ALDH1A2: variants seen among roughly 807,000 people sequenced by gnomAD.
ALDH1A2 encodes the protein aldehyde dehydrogenase 1 family member A2.
ALDH1A2 carries 27 observed loss-of-function variants against 60.3 expected under a neutral mutation model. That is an observed-to-expected ratio of 0.45 (90% CI 0.33 to 0.62). The LOEUF is 0.62. Ranked by LOEUF, ALDH1A2 falls within the 20% of genes least tolerant of loss-of-function variation. ALDH1A2 has a pLI of 0.02. For synonymous variants in ALDH1A2, 289 were observed against 232.4 expected (o/e 1.24, Z -2.21); for missense variants, 581 against 643.8 (o/e 0.90, Z 1.06).
At chr15:57,968,496 C>A (rs1253484177) in intron 7 of ALDH1A2, among the ~76,000 whole-genome samples, 1 of 152,210 alleles carries the variant, frequency 6.6e-6, no homozygotes, top group African/African-American at 2.4e-5. Flanking sequence ...TTTCTGTTCT[C>A]TTTTCTACAT....
chr15:57,975,973 T>G (rs910959226), intron 7 of ALDH1A2, among the ~76,000 whole-genome samples: 1 of 152,146 alleles, frequency 6.6e-6, no homozygotes, highest in Non-Finnish European at 1.5e-5. Context: ...TTTAAATAAG[T>G]GAAATCTATT....
rs142221243 is a variant in ALDH1A2, at chr15:57,978,391, A to C, written c.799-12564T>G. Reference sequence around the variant, plus strand: ...ATACCTAGTTTATTGGATTTTTAGCATGAAGGGGTATTGAATTTTATTGAA... The same window carrying C: ...ATACCTAGTTTATTGGATTTTTAGCCTGAAGGGGTATTGAATTTTATTGAA... On this transcript the variant is annotated intron_variant, in intron 7 of 12. Coordinates refer to ENST00000249750, the MANE Select transcript of ALDH1A2 (RefSeq NM_003888.4). Among the ~76,000 whole-genome samples the C allele has an allele frequency of 1.7e-3, 259 of 152,284 alleles. 2 individuals are homozygous for C. Among genetic ancestry groups the C allele is most frequent in the African/African-American group, 6.2e-3 (258 of 41,540 alleles).
intron 4 of ALDH1A2, 92 bp from the exon 5 acceptor site, chr15:57,995,231 A>AAAAAAAAAAAAAG: frequency 1.3e-6 from 1 of 755,100 alleles, no homozygotes; most frequent in Admixed American, 2.4e-5. Flanking sequence ...AAAAAAAAAA[A>AAAAAAAAAAAAAG]AAAAACAAAC....
At chr15:57,993,195 T>C (rs1354453954) in intron 5 of ALDH1A2, 122 bp from the exon 6 acceptor site, 3 of 1,184,728 alleles carry the variant, frequency 2.5e-6, no homozygotes, top group Non-Finnish European at 3.6e-6. Context: ...CACTACAAAG[T>C]ACAGATGTTT....
chr15:58,012,683 C>G (rs1345081819), intron 3 of ALDH1A2, among the ~76,000 whole-genome samples: 1 of 152,132 alleles, frequency 6.6e-6, no homozygotes, highest in Non-Finnish European at 1.5e-5. Context: ...TTATATATAG[C>G]TAGAATCCCA....
rs1566929678 is a variant in ALDH1A2 at position 57,963,864 on chromosome 15, GA to G, written c.1086+20del. 6.2e-7 allele frequency: 1 copy of G among 1,613,642 alleles called. No individual in the cohort carries two copies. The highest frequency in any genetic ancestry group is 1.7e-5 in the Admixed American group (1 of 60,024). On this transcript the variant is annotated intron_variant, in intron 9 of 12. Coordinates refer to ENST00000249750, the MANE Select transcript of ALDH1A2 (RefSeq NM_003888.4). Reference sequence around the variant, plus strand: ...CAGTCAAGGATTAAGTAAACAAAGGGAATGGTTATGATTTTTCTACCTGGGG... The same window carrying G: ...CAGTCAAGGATTAAGTAAACAAAGGGATGGTTATGATTTTTCTACCTGGGG...
At chr15:58,035,147 T>TA (rs1466761561) in intron 1 of ALDH1A2, among the ~76,000 whole-genome samples, 3 of 151,644 alleles carry the variant, frequency 2.0e-5, no homozygotes, top group Non-Finnish European at 4.4e-5. Context: ...GATACAGGCC[T>TA]ATTCATACAT....
chr15:58,053,135 A>G (rs2140573365), intron 1 of ALDH1A2, among the ~76,000 whole-genome samples: 1 of 152,288 alleles, frequency 6.6e-6, no homozygotes, highest in African/African-American at 2.4e-5. Context: ...CAAATTAAAC[A>G]GTAATTGGAT....
At chr15:58,064,506 C>A (rs1234790115) in intron 1 of ALDH1A2, among the ~76,000 whole-genome samples, 1 of 152,160 alleles carries the variant, frequency 6.6e-6, no homozygotes, top group East Asian at 1.9e-4. Flanking sequence ...TAAAAAAGCA[C>A]GATGGAATAC....
chr15:58,063,295 T>C (rs1160207208), intron 1 of ALDH1A2, among the ~76,000 whole-genome samples: 1 of 152,202 alleles, frequency 6.6e-6, no homozygotes, highest in Non-Finnish European at 1.5e-5. Flanking sequence ...TTCTTTCAAA[T>C]GTGATATTTA....
chr15:58,028,693 G>A (rs1328258679), intron 1 of ALDH1A2, among the ~76,000 whole-genome samples: 1 of 152,042 alleles, frequency 6.6e-6, no homozygotes, highest in East Asian at 1.9e-4. Context: ...CAAAATAAAG[G>A]GATGGAGGAA....
chr15:57,964,691 G>A (rs534291189), intron 8 of ALDH1A2: 1 of 153,030 alleles, frequency 6.5e-6, no homozygotes, highest in South Asian at 2.1e-4. Flanking sequence ...AGATTGACAT[G>A]GACTTGTGTA....
In ALDH1A2 at chr15:57,961,327, C is replaced by T. The variant is rs767935263; in HGVS notation, c.1252-33G>A. On this transcript the variant is annotated intron_variant, in intron 10 of 12. Transcript: ENST00000249750. Reference sequence around the variant, plus strand: ...AAGATAATATGACTCAACATGGTTGCTCTGTCATTCCTTTACCTGCTTTCC... The same window carrying T: ...AAGATAATATGACTCAACATGGTTGTTCTGTCATTCCTTTACCTGCTTTCC... 1.5e-5 allele frequency: 24 copies of T among 1,609,762 alleles called. No homozygotes were observed. In the Admixed American group the frequency reaches 2.3e-4, roughly 16 times the overall value.
intron 7 of ALDH1A2, among the ~76,000 whole-genome samples, chr15:57,984,349 A>C (rs1333259769): frequency 6.6e-6 from 1 of 152,228 alleles, no homozygotes; most frequent in East Asian, 1.9e-4. Context: ...ACTTTGTAAA[A>C]TTAATTGATT....
At chr15:58,038,027 C>T (rs1298721358) in intron 1 of ALDH1A2, among the ~76,000 whole-genome samples, 1 of 151,358 alleles carries the variant, frequency 6.6e-6, no homozygotes, top group African/African-American at 2.4e-5. Context: ...CTTTTTTTCT[C>T]TATCTTCCTG....
chr15:57,976,223 C>G (rs1190932347), intron 7 of ALDH1A2, among the ~76,000 whole-genome samples: 1 of 152,168 alleles, frequency 6.6e-6, no homozygotes, highest in African/African-American at 2.4e-5. Context: ...GGCCACCACT[C>G]TAGGCCACAG....
chr15:57,957,668 C>T (rs1332720175), intron 12 of ALDH1A2, among the ~76,000 whole-genome samples: 1 of 152,174 alleles, frequency 6.6e-6, no homozygotes, highest in African/African-American at 2.4e-5. Context: ...AGACTAGGTT[C>T]TAGTCCCTAA....
intron 7 of ALDH1A2, among the ~76,000 whole-genome samples, chr15:57,979,543 C>T (rs1172479841): frequency 5.3e-5 from 8 of 152,028 alleles, no homozygotes; most frequent in Non-Finnish European, 1.0e-4. Flanking sequence ...CTCATTCCTG[C>T]GAAGGACCAA....
intron 1 of ALDH1A2, among the ~76,000 whole-genome samples, chr15:58,046,687 G>T (rs1475089960): frequency 6.6e-6 from 1 of 152,022 alleles, no homozygotes; most frequent in Non-Finnish European, 1.5e-5. Context: ...GAGATAAAAT[G>T]TGAAATGTGC....
Sources: gnomAD v4.1 joint callset for allele counts (sites outside exome capture counted in the v4.1 genomes callset) on GRCh38, gnomAD v4.1.1 for gene constraint, MANE v1.5 for transcripts, NCBI Gene and HGNC (gene_info 2026-07-23, HGNC 2026-07-21) for gene names.